The following MACROD2 variants were observed in gnomAD, a reference collection of about 807,000 sequenced individuals.
MACROD2 encodes mono-ADP ribosylhydrolase 2, also known as ADP-ribose glycohydrolase MACROD2.
In MACROD2, 36 loss-of-function variants were observed where a neutral mutation model predicts 70.4. That is an observed-to-expected ratio of 0.51 (90% CI 0.39 to 0.68). MACROD2 has a LOEUF of 0.68. MACROD2 is among the 30% of genes least tolerant of loss of function. MACROD2 has a pLI of 0.00. For missense variants in MACROD2, 496 were observed against 538.4 expected, an observed-to-expected ratio of 0.92 and a Z score of 0.78; for synonymous variants, 172 against 178.8, an observed-to-expected ratio of 0.96 and a Z score of 0.30.
chr20:15,089,628 C>T (rs1787005012), intron 5 of MACROD2, among the ~76,000 whole-genome samples: 1 of 152,142 alleles, frequency 6.6e-6, no homozygotes, highest in African/African-American at 2.4e-5. Flanking sequence ...CTCCCTCCTA[C>T]ATTATCTGGG....
rs1156762637 is a variant in MACROD2 at position 15,166,851 on chromosome 20, TA to T, written c.419-63086del. 5.9e-5 allele frequency among the ~76,000 whole-genome samples: 9 copies of T among 151,262 alleles called. No homozygotes were observed. In the South Asian group the frequency reaches 1.9e-3, roughly 31 times the overall value. ...GAAATGAAGGTTTTAAGTTAATACT[TA>T]AATTATTAAATTTAAGTATTAACTT... is the stretch of plus-strand genomic sequence containing the variant. On this transcript the variant is annotated intron_variant, in intron 5 of 17. Coordinates refer to ENST00000684519, the MANE Select transcript of MACROD2 (RefSeq NM_001351661.2).
chr20:15,488,684 A>G (rs2047191136), intron 7 of MACROD2, among the ~76,000 whole-genome samples: 1 of 152,216 alleles, frequency 6.6e-6, no homozygotes, highest in Non-Finnish European at 1.5e-5. Context: ...CCATTCAATA[A>G]GCAGAAACTG....
At chr20:14,930,940 G>A (rs2074290380) in intron 5 of MACROD2, among the ~76,000 whole-genome samples, 1 of 150,522 alleles carries the variant, frequency 6.6e-6, no homozygotes, top group Non-Finnish European at 1.5e-5. Context: ...TGAGGCAGGA[G>A]GATCACTTGA....
chr20:14,545,361 T>C (rs1430763320), intron 4 of MACROD2, among the ~76,000 whole-genome samples: 6 of 152,158 alleles, frequency 3.9e-5, no homozygotes, highest in African/African-American at 1.4e-4. Flanking sequence ...TAAAGCTGTG[T>C]GCATTTAGCT....
chr20:15,899,927 T>A (rs1421016700), intron 10 of MACROD2, among the ~76,000 whole-genome samples: 1 of 152,154 alleles, frequency 6.6e-6, no homozygotes, highest in Non-Finnish European at 1.5e-5. Context: ...ATTATTATTT[T>A]ACTAAAATAA....
intron 8 of MACROD2, among the ~76,000 whole-genome samples, chr20:15,706,090 G>A (rs754593046): frequency 2.0e-5 from 3 of 152,268 alleles, no homozygotes; most frequent in Admixed American, 1.3e-4. Context: ...TTAGCATCAC[G>A]GAAAGCATTT....
chr20:15,540,066 G>A (rs1349696122), intron 8 of MACROD2, among the ~76,000 whole-genome samples: 2 of 152,222 alleles, frequency 1.3e-5, no homozygotes, highest in Non-Finnish European at 2.9e-5. Flanking sequence ...ACTTACAGCT[G>A]AAGGGGAATT....
intron 2 of MACROD2, among the ~76,000 whole-genome samples, chr20:14,027,853 C>T (rs773002328): frequency 4.6e-5 from 7 of 152,170 alleles, no homozygotes; most frequent in African/African-American, 1.2e-4. Flanking sequence ...CTGTCGACCC[C>T]GGCTGGGAGG....
chr20:15,091,444 A>G (rs182041814), intron 5 of MACROD2, among the ~76,000 whole-genome samples: 2 of 152,290 alleles, frequency 1.3e-5, no homozygotes, highest in African/African-American at 4.8e-5. Context: ...CCTTTAACTA[A>G]AACTGTTTAA....
intron 3 of MACROD2, among the ~76,000 whole-genome samples, chr20:14,181,846 A>G (rs1189349038): frequency 6.6e-6 from 1 of 152,190 alleles, no homozygotes; most frequent in Non-Finnish European, 1.5e-5. Flanking sequence ...GCCAAATACT[A>G]TTCTATTATA....
chr20:15,572,067 T>C (rs1024550275), intron 8 of MACROD2, among the ~76,000 whole-genome samples: 44 of 152,086 alleles, frequency 2.9e-4, no homozygotes, highest in African/African-American at 9.7e-4. Flanking sequence ...AAGGAACCCA[T>C]CATGTATGTT....
chr20:15,817,719 C>A (rs1307971661), intron 8 of MACROD2, among the ~76,000 whole-genome samples: 1 of 152,134 alleles, frequency 6.6e-6, no homozygotes, highest in African/African-American at 2.4e-5. Flanking sequence ...CTTCTAATCT[C>A]TCTGTCTATA....
intron 5 of MACROD2, among the ~76,000 whole-genome samples, chr20:15,093,608 A>T (rs1229461348): frequency 2.6e-5 from 4 of 152,168 alleles, no homozygotes; most frequent in South Asian, 2.1e-4. Context: ...TTATTTATTT[A>T]AAAAAGCTAC....
Position 14,129,314 on chromosome 20 carries a change from T to C in MACROD2, c.271+43586T>C, listed in dbSNP as rs537118842. ...TTCAAGGCTTCAGTGGAGGAAGTCA[T>C]AGCAGATATCGTGGAAATAGCAAGA... On this transcript the variant is annotated intron_variant, in intron 3 of 17. Transcript: ENST00000684519. Among the ~76,000 whole-genome samples, 252 of 152,340 alleles carry C rather than the reference T, an allele frequency of 1.7e-3. 1 individual carries two copies. The highest frequency in any genetic ancestry group is 1.7e-3 in the Non-Finnish European group (114 of 68,028).
At chr20:14,549,603 G>A (rs1197477982) in intron 4 of MACROD2, among the ~76,000 whole-genome samples, 1 of 151,108 alleles carries the variant, frequency 6.6e-6, no homozygotes, top group Non-Finnish European at 1.5e-5. Flanking sequence ...TTTTTCAGAT[G>A]TTTTCAAGGC....
chr20:14,149,900 T>TC (rs1473934830), intron 3 of MACROD2, among the ~76,000 whole-genome samples: 3 of 152,156 alleles, frequency 2.0e-5, no homozygotes, highest in South Asian at 4.1e-4. Flanking sequence ...GTATTTTTTT[T>TC]CCCAGACAAA....
At chr20:15,018,246 A>G (rs2075136516) in intron 5 of MACROD2, among the ~76,000 whole-genome samples, 6 of 152,194 alleles carry the variant, frequency 3.9e-5, no homozygotes. Context: ...AAGTTCCACA[A>G]ACCTTTAGGG....
intron 6 of MACROD2, among the ~76,000 whole-genome samples, chr20:15,239,676 T>C (rs1340539447): frequency 6.6e-6 from 1 of 152,072 alleles, no homozygotes; most frequent in Admixed American, 6.6e-5. Context: ...AGGTAAGCTA[T>C]CCCGGAGGAT....
At chr20:15,036,929 T>C (rs962096827) in intron 5 of MACROD2, among the ~76,000 whole-genome samples, 5 of 151,574 alleles carry the variant, frequency 3.3e-5, no homozygotes, top group Non-Finnish European at 7.4e-5. Context: ...ATAAATAATG[T>C]AATCAATATT....
Sources: gnomAD v4.1 joint callset for allele counts (sites outside exome capture counted in the v4.1 genomes callset) on GRCh38, gnomAD v4.1.1 for gene constraint, MANE v1.5 for transcripts, NCBI Gene and HGNC (gene_info 2026-07-23, HGNC 2026-07-21) for gene names.